The following DCDC1 variants were observed in gnomAD, a reference collection of about 807,000 sequenced individuals.
The protein encoded by DCDC1 is doublecortin domain containing 1, also known as doublecortin domain-containing protein 1.
In DCDC1, 200 loss-of-function variants were observed where a neutral mutation model predicts 178.3. That is an observed-to-expected ratio of 1.12 (90% CI 1.00 to 1.26). The LOEUF (loss-of-function observed/expected upper bound fraction) is 1.26. Ranked by LOEUF, DCDC1 falls within the 50% of genes most tolerant of loss-of-function variation. The pLI is 0.00. For missense variants in DCDC1, 1,983 were observed against 1,749.2 expected, an observed-to-expected ratio of 1.13 and a Z score of -2.38; for synonymous variants, 690 against 604.8, an observed-to-expected ratio of 1.14 and a Z score of -2.07.
chr11:31,128,149 C>A (rs1359338775), intron 10 of DCDC1, among the ~76,000 whole-genome samples: 1 of 151,818 alleles, frequency 6.6e-6, no homozygotes, highest in African/African-American at 2.4e-5. Flanking sequence ...ATCTTCCTCC[C>A]AAATATTCCA....
chr11:31,053,185 C>T (rs556795286), intron 20 of DCDC1, among the ~76,000 whole-genome samples: 6 of 151,832 alleles, frequency 4.0e-5, no homozygotes, highest in Admixed American at 1.3e-4. Flanking sequence ...CAAGATTGTC[C>T]AAGGCTACTA....
At chr11:30,884,118 G>A (rs632929) in intron 36 of DCDC1, among the ~76,000 whole-genome samples, 1,537 of 135,386 alleles carry the variant, frequency 0.011, 19 homozygotes, top group African/African-American at 0.041. Context: ...ATGAAGCCTC[G>A]ACTTCCCTAG....
intron 17 of DCDC1, among the ~76,000 whole-genome samples, chr11:31,082,303 A>G (rs1957226836): frequency 6.6e-6 from 1 of 152,006 alleles, no homozygotes; most frequent in African/African-American, 2.4e-5. Flanking sequence ...TTTTTTTAAT[A>G]ATGATGATAC....
chr11:31,032,271 T>A (rs924465455), intron 20 of DCDC1, among the ~76,000 whole-genome samples: 1 of 152,158 alleles, frequency 6.6e-6, no homozygotes, highest in African/African-American at 2.4e-5. Flanking sequence ...AGGATATAGG[T>A]CATAACAAGT....
intron 27 of DCDC1, among the ~76,000 whole-genome samples, chr11:30,913,466 G>A (rs1945602225): frequency 6.6e-6 from 1 of 152,110 alleles, no homozygotes; most frequent in Non-Finnish European, 1.5e-5. Context: ...CCTAGAGGGG[G>A]ACTTGTGCTT....
intron 17 of DCDC1, among the ~76,000 whole-genome samples, chr11:31,082,595 AG>A (rs1957245453): frequency 1.8e-5 from 2 of 113,720 alleles, no homozygotes; most frequent in Non-Finnish European, 3.7e-5. Context: ...ATATAGATAT[AG>A]ATATCTATAT....
At chr11:31,134,928 C>T (rs1408358276) in intron 10 of DCDC1, among the ~76,000 whole-genome samples, 1 of 152,068 alleles carries the variant, frequency 6.6e-6, no homozygotes, top group South Asian at 2.1e-4. Context: ...CCCAGGAGTT[C>T]AAGGCTGCAG....
intron 22 of DCDC1, among the ~76,000 whole-genome samples, chr11:30,929,138 G>A (rs1324049224): frequency 1.3e-5 from 2 of 152,032 alleles, no homozygotes; most frequent in African/African-American, 2.4e-5. Flanking sequence ...TCGTTCAGTA[G>A]TCACTAATTT....
intron 11 of DCDC1, among the ~76,000 whole-genome samples, chr11:31,125,322 T>C (rs1208165860): frequency 1.3e-5 from 2 of 152,120 alleles, no homozygotes; most frequent in Non-Finnish European, 2.9e-5. Context: ...TTTTACACTG[T>C]TAGTGGGAAT....
rs1008930398 is a variant in DCDC1, at chr11:31,121,403, G to T, written c.1485+6066C>A. Among the ~76,000 whole-genome samples the T allele has an allele frequency of 4.7e-5, 7 of 147,898 alleles. No homozygotes were observed. In the Admixed American group the frequency reaches 4.8e-4, roughly 10 times the overall value. On this transcript the variant is annotated intron_variant, in intron 11 of 38. Transcript: ENST00000684477. Reference sequence around the variant, plus strand: ...TATGGCAGAAATGAGCAACCACACAGAGGCTGCTCCCGGTTTTTTATCTTG... The same window carrying T: ...TATGGCAGAAATGAGCAACCACACATAGGCTGCTCCCGGTTTTTTATCTTG...
chr11:31,309,854 T>A (rs1220409858), intron 3 of DCDC1, among the ~76,000 whole-genome samples: 1 of 152,240 alleles, frequency 6.6e-6, no homozygotes, highest in African/African-American at 2.4e-5. Context: ...GACTAAATAC[T>A]GTTTTATAAC....
At chr11:31,366,409 T>C (rs1277168335) in intron 1 of DCDC1, among the ~76,000 whole-genome samples, 2 of 152,302 alleles carry the variant, frequency 1.3e-5, no homozygotes, top group East Asian at 3.9e-4. Flanking sequence ...TCAGAAAGCT[T>C]GCAACCCAAC....
At chr11:31,335,622 G>C (rs1950232066) in intron 1 of DCDC1, 58 bp from the exon 2 acceptor site, 2 of 152,182 alleles carry the variant, frequency 1.3e-5, no homozygotes, top group African/African-American at 4.8e-5. Context: ...CCAAAACAAT[G>C]TGCCCATAAG....
intron 33 of DCDC1, among the ~76,000 whole-genome samples, 198 bp from the exon 34 acceptor site, chr11:30,899,840 A>G (rs1358845487): frequency 1.3e-5 from 2 of 152,136 alleles, no homozygotes; most frequent in African/African-American, 2.4e-5. Flanking sequence ...GGTAAAAAAA[A>G]GAAGAACGAT....
At chr11:31,019,450 G>A (rs1952718650) in intron 20 of DCDC1, among the ~76,000 whole-genome samples, 1 of 152,108 alleles carries the variant, frequency 6.6e-6, no homozygotes, top group African/African-American at 2.4e-5. Flanking sequence ...AAAATCAATA[G>A]GGTGATATCT....
intron 20 of DCDC1, among the ~76,000 whole-genome samples, chr11:31,016,051 T>A (rs1291238592): frequency 6.6e-6 from 1 of 152,154 alleles, no homozygotes; most frequent in African/African-American, 2.4e-5. Context: ...TAAAGCACAA[T>A]GAAAGAGGGG....
intron 38 of DCDC1, among the ~76,000 whole-genome samples, chr11:30,868,537 C>T (rs1010383481): frequency 9.2e-5 from 14 of 152,058 alleles, no homozygotes; most frequent in Non-Finnish European, 2.9e-5. Flanking sequence ...AGGCATGAGC[C>T]ACCACGCCCA....
intron 20 of DCDC1, among the ~76,000 whole-genome samples, chr11:30,958,837 G>T (rs1443676778): frequency 6.6e-6 from 1 of 152,072 alleles, no homozygotes; most frequent in African/African-American, 2.4e-5. Flanking sequence ...AGTGATTGGA[G>T]AATTGATCTT....
intron 36 of DCDC1, among the ~76,000 whole-genome samples, chr11:30,891,381 C>A (rs182247121): frequency 4.6e-5 from 7 of 152,128 alleles, no homozygotes; most frequent in Admixed American, 3.9e-4. Context: ...AAAAAGTCAT[C>A]CCCCAGTTAG....
Sources: gnomAD v4.1 joint callset for allele counts (sites outside exome capture counted in the v4.1 genomes callset) on GRCh38, gnomAD v4.1.1 for gene constraint, MANE v1.5 for transcripts, NCBI Gene and HGNC (gene_info 2026-07-23, HGNC 2026-07-21) for gene names.